SPOCK1: variants seen among roughly 807,000 people sequenced by gnomAD.
SPOCK1 encodes the protein SPARC (osteonectin), cwcv and kazal like domains proteoglycan 1.
A neutral mutation model predicts 55.3 loss-of-function variants in SPOCK1; 23 were observed. That is an observed-to-expected ratio of 0.42 (90% CI 0.30 to 0.59). The LOEUF is 0.59. Among genes scored for constraint, SPOCK1 ranks in the 20% least tolerant of loss-of-function variants. The probability of loss-of-function intolerance (pLI) is 0.22; values close to 1 mark genes in which losing one functional copy is unlikely to be tolerated. For missense variants in SPOCK1, 499 were observed against 552.5 expected, an observed-to-expected ratio of 0.90 and a Z score of 0.97; for synonymous variants, 226 against 221.0, an observed-to-expected ratio of 1.02 and a Z score of -0.20.
chr5:137,492,111 C>T (rs575318972), intron 2 of SPOCK1, among the ~76,000 whole-genome samples: 3 of 152,170 alleles, frequency 2.0e-5, no homozygotes, highest in Non-Finnish European at 4.4e-5. Context: ...TACCCTTCTA[C>T]CATCCATCAA....
chr5:137,043,421 A>C (rs1232158072), intron 6 of SPOCK1, among the ~76,000 whole-genome samples: 1 of 152,206 alleles, frequency 6.6e-6, no homozygotes, highest in African/African-American at 2.4e-5. Flanking sequence ...GGAACATTAA[A>C]TACCTACTCT....
intron 2 of SPOCK1, among the ~76,000 whole-genome samples, chr5:137,321,332 G>T (rs1472700622): frequency 6.6e-6 from 1 of 151,784 alleles, no homozygotes; most frequent in Non-Finnish European, 1.5e-5. Flanking sequence ...AATAATAATG[G>T]CTCTGGTAAA....
chr5:137,102,814 T>C (rs920625371), intron 5 of SPOCK1, among the ~76,000 whole-genome samples: 44 of 152,136 alleles, frequency 2.9e-4, no homozygotes, highest in African/African-American at 9.4e-4. Flanking sequence ...GAGAGCTAGA[T>C]GAAATAATAC....
intron 2 of SPOCK1, among the ~76,000 whole-genome samples, chr5:137,483,515 G>A (rs981985984): frequency 2.0e-5 from 3 of 152,076 alleles, no homozygotes; most frequent in Non-Finnish European, 4.4e-5. Flanking sequence ...AGAGTACCTG[G>A]CACATGTATT....
chr5:137,203,369 T>A (rs1034556800), intron 3 of SPOCK1, among the ~76,000 whole-genome samples: 1 of 152,006 alleles, frequency 6.6e-6, no homozygotes, highest in African/African-American at 2.4e-5. Flanking sequence ...AGCTTCAGCA[T>A]CACCACCCAG....
At chr5:137,319,951 C>CAAAAAA (rs55836854) in intron 2 of SPOCK1, among the ~76,000 whole-genome samples, 4 of 85,576 alleles carry the variant, frequency 4.7e-5, no homozygotes, top group Non-Finnish European at 9.1e-5. Flanking sequence ...GACTCCGTCT[C>CAAAAAA]AAAAAAAAAA....
intron 2 of SPOCK1, chr5:137,273,457 T>G (rs560935572): frequency 1.3e-5 from 11 of 847,940 alleles, no homozygotes; most frequent in Admixed American, 6.2e-5. Context: ...AATGTATACA[T>G]TTTTGATAAT....
intron 10 of SPOCK1, 50 bp from the exon 11 acceptor site, chr5:136,978,894 A>T (rs370842928): frequency 1.0e-5 from 16 of 1,538,348 alleles, no homozygotes; most frequent in Non-Finnish European, 1.4e-5. Flanking sequence ...ATACCTCATG[A>T]CCCACGTCAG....
At chr5:137,386,338 C>T (rs1374467628) in intron 2 of SPOCK1, among the ~76,000 whole-genome samples, 2 of 152,136 alleles carry the variant, frequency 1.3e-5, no homozygotes, top group Admixed American at 1.3e-4. Context: ...ATCAAACTCC[C>T]ACAGGTTATT....
intron 2 of SPOCK1, among the ~76,000 whole-genome samples, chr5:137,331,419 A>C (rs1482625792): frequency 3.3e-5 from 5 of 152,190 alleles, no homozygotes; most frequent in Non-Finnish European, 7.3e-5. Context: ...GGCCCACAAG[A>C]GAGAAGATGA....
intron 4 of SPOCK1, among the ~76,000 whole-genome samples, chr5:137,139,826 T>C (rs1159414426): frequency 6.6e-6 from 1 of 152,174 alleles, no homozygotes; most frequent in Non-Finnish European, 1.5e-5. Flanking sequence ...TGCATGTGTA[T>C]GTTTGTTTGC....
chr5:137,303,844 A>C (rs1450839654), intron 2 of SPOCK1, among the ~76,000 whole-genome samples: 2 of 152,202 alleles, frequency 1.3e-5, no homozygotes, highest in Non-Finnish European at 2.9e-5. Context: ...CAGGAATTCC[A>C]GCAACTCTTT....
chr5:137,041,449 G>GA (rs1342892271), intron 6 of SPOCK1, among the ~76,000 whole-genome samples: 2 of 151,960 alleles, frequency 1.3e-5, no homozygotes, highest in Non-Finnish European at 2.9e-5. Flanking sequence ...ACCTATAAAA[G>GA]AAAAAATAGA....
chr5:136,986,607 C>A (rs1750847247), intron 8 of SPOCK1, among the ~76,000 whole-genome samples: 1 of 151,962 alleles, frequency 6.6e-6, no homozygotes, highest in South Asian at 2.1e-4. Context: ...AGCAAACCAA[C>A]CAGAATAACT....
At chr5:137,108,511 A>G (rs1037556710) in intron 5 of SPOCK1, among the ~76,000 whole-genome samples, 1 of 152,144 alleles carries the variant, frequency 6.6e-6, no homozygotes, top group Non-Finnish European at 1.5e-5. Flanking sequence ...TTATCTTCCA[A>G]TAGAAGTGAA....
At position 137,356,873 on chromosome 5, in the gene SPOCK1, A is replaced by AGAGT. The variant is rs1554077352; in HGVS notation, c.187-89822_187-89819dup. Among the ~76,000 whole-genome samples, 549 of 69,690 alleles carry AGAGT rather than the reference A, an allele frequency of 7.9e-3. 60 individuals are homozygous for AGAGT. The highest frequency in any genetic ancestry group is 0.03 in the East Asian group (52 of 1,710). 45.7% of individuals were successfully genotyped at this position (69,690 alleles called of 152,430 possible). A position where few individuals can be genotyped will look rare whatever the true frequency, so the allele number is the denominator to read the frequency against. ...GAGAGAGAGAGAGAGAGAGAGAGAG[A>AGAGT]GAGTATGCAGACCAACCAGGGGGCC... On this transcript the variant is annotated intron_variant, in intron 2 of 10. Coordinates refer to ENST00000394945, the MANE Select transcript of SPOCK1 (RefSeq NM_004598.4).
At chr5:137,346,317 C>A (rs1371951775) in intron 2 of SPOCK1, among the ~76,000 whole-genome samples, 1 of 152,182 alleles carries the variant, frequency 6.6e-6, no homozygotes, top group East Asian at 1.9e-4. Flanking sequence ...TTTGCTCCCC[C>A]TCCTTCCCTG....
chr5:137,131,989 A>AAAAAAAAAAATATAT (rs1391176339), intron 4 of SPOCK1, among the ~76,000 whole-genome samples: 3 of 36,056 alleles, frequency 8.3e-5, no homozygotes, highest in African/African-American at 3.7e-4. Context: ...AAAAAAAAAA[A>AAAAAAAAAAATATAT]ATATATATAT....
At chr5:136,997,503 C>T (rs898156935) in intron 6 of SPOCK1, among the ~76,000 whole-genome samples, 3 of 152,168 alleles carry the variant, frequency 2.0e-5, no homozygotes, top group South Asian at 2.1e-4. Context: ...CAGAGGCTCC[C>T]AGTTATTCTG....
Sources: gnomAD v4.1 joint callset for allele counts (sites outside exome capture counted in the v4.1 genomes callset) on GRCh38, gnomAD v4.1.1 for gene constraint, MANE v1.5 for transcripts, NCBI Gene and HGNC (gene_info 2026-07-23, HGNC 2026-07-21) for gene names.